The following KCTD2 variants were observed in gnomAD, a reference collection of about 807,000 sequenced individuals.
The protein encoded by KCTD2 is BTB/POZ domain-containing protein KCTD2.
Under a neutral mutation model 27.9 loss-of-function variants are expected in KCTD2, and 18 were observed. The observed-to-expected ratio is 0.64, with a 90% CI of 0.45 to 0.96. KCTD2 has a LOEUF of 0.96. KCTD2 is among the 40% of genes least tolerant of loss of function. The probability of loss-of-function intolerance (pLI) is 0.00; values close to 1 mark genes in which losing one functional copy is unlikely to be tolerated. For missense variants in KCTD2, 280 were observed against 348.0 expected (o/e 0.80, Z 1.56); for synonymous variants, 175 against 148.4 (o/e 1.18, Z -1.30).
chr17:75,035,418 T>A (rs1464427501), intron 3 of KCTD2: 1 of 152,032 alleles, frequency 6.6e-6, no homozygotes, highest in Non-Finnish European at 1.5e-5. Context: ...GAGTTCAACA[T>A]CCAAACATTC....
intron 3 of KCTD2, among the ~76,000 whole-genome samples, chr17:75,054,529 G>T (rs1410575491): frequency 6.6e-6 from 1 of 152,094 alleles, no homozygotes; most frequent in Admixed American, 6.6e-5. Context: ...AAGTCGGCCG[G>T]GCGCGGTGGC....
chr17:75,035,131 A>AT (rs2040102639), intron 2 of KCTD2: 1 of 152,086 alleles, frequency 6.6e-6, no homozygotes, highest in African/African-American at 2.4e-5. Flanking sequence ...GGCCTAATGG[A>AT]TAAGGCGTCT....
chr17:75,053,445 C>T (rs2073312702), intron 3 of KCTD2, among the ~76,000 whole-genome samples: 1 of 146,506 alleles, frequency 6.8e-6, no homozygotes, highest in Non-Finnish European at 1.5e-5. Context: ...GTTGGCCGCT[C>T]TTTTTTTTTT....
intron 3 of KCTD2, chr17:75,035,382 GTC>G (rs1042042120): frequency 3.9e-5 from 6 of 152,098 alleles, no homozygotes; most frequent in South Asian, 2.1e-4. Flanking sequence ...ATTTCTTGTT[GTC>G]TCTCTTGAGC....
chr17:75,046,749 G>A (rs527261874), upstream of KCTD2, among the ~76,000 whole-genome samples: 16 of 152,088 alleles, frequency 1.1e-4, no homozygotes, highest in African/African-American at 3.6e-4. Flanking sequence ...AAGGAGGGCT[G>A]AGGAAGGGAT....
intron 3 of KCTD2, among the ~76,000 whole-genome samples, chr17:75,055,489 G>A (rs918988125): frequency 6.6e-6 from 1 of 151,750 alleles, no homozygotes; most frequent in African/African-American, 2.4e-5. Context: ...GCTGAGGAGG[G>A]CAGATCACTT....
chr17:75,059,494 C>T lies in KCTD2; in HGVS notation c.541-16C>T, dbSNP rs761682347. The T allele has an allele frequency of 6.1e-5, 97 of 1,601,436 alleles. No individual in the cohort carries two copies. The highest frequency in any genetic ancestry group is 7.9e-5 in the Non-Finnish European group (93 of 1,170,888). ...TGTCCTTGGTGCTGTTCTCAGTCTGCGCCTGGTCATTGCAGGGCCCCGTGA... is the reference window on the plus strand; with the variant it reads ...TGTCCTTGGTGCTGTTCTCAGTCTGTGCCTGGTCATTGCAGGGCCCCGTGA... On this transcript the variant is annotated splice_polypyrimidine_tract_variant and intron_variant, in intron 3 of 5. Coordinates refer to ENST00000322444, the MANE Select transcript of KCTD2 (RefSeq NM_015353.3).
intron 2 of KCTD2, among the ~76,000 whole-genome samples, chr17:75,034,420 G>A (rs1455596688): frequency 6.6e-6 from 1 of 152,162 alleles, no homozygotes; most frequent in Non-Finnish European, 1.5e-5. Context: ...TGCGAGCACA[G>A]CCCCTCTCGA....
At chr17:75,033,965 T>C (rs2040088993) in intron 1 of KCTD2, 1 of 152,186 alleles carries the variant, frequency 6.6e-6, no homozygotes, top group Non-Finnish European at 1.5e-5. Flanking sequence ...TGGGTTCGAG[T>C]CCCACCTGGG....
At chr17:75,052,713 A>G (rs1324825056) in intron 2 of KCTD2, among the ~76,000 whole-genome samples, 6 of 152,196 alleles carry the variant, frequency 3.9e-5, no homozygotes, top group African/African-American at 1.2e-4. Flanking sequence ...ACAAGAATGA[A>G]ACTCTGTTTC....
rs945681023 is a variant in KCTD2 at position 75,065,371 on chromosome 17, C to G, written c.*2324C>G. 1 of 152,266 alleles carries G rather than the reference C, an allele frequency of 6.6e-6. No homozygotes were observed. The highest frequency in any genetic ancestry group is 2.4e-5 in the African/African-American group (1 of 41,460). The allele number at this position is 152,266 out of a possible 1,614,324, so 9.4% of individuals were successfully genotyped here. ...TTCTTGCTTGAAAGCGTTGTGCCCT[C>G]TGAGTGTCTGGCTGATCACATCAGA... On this transcript the variant is annotated 3_prime_UTR_variant, in exon 6 of 6. Coordinates refer to ENST00000322444, the MANE Select transcript of KCTD2 (RefSeq NM_015353.3).
At chr17:75,033,360 C>T (rs2040081542) in intron 1 of KCTD2, among the ~76,000 whole-genome samples, 1 of 151,758 alleles carries the variant, frequency 6.6e-6, no homozygotes, top group Non-Finnish European at 1.5e-5. Context: ...GAAATATCTA[C>T]TTGGCTGATT....
chr17:75,048,980 A>G lies in KCTD2; in HGVS notation c.340-240A>G, dbSNP rs920489411. The G allele has an allele frequency of 2.2e-5, 8 of 357,632 alleles. No homozygotes were observed. In the Admixed American group the frequency reaches 3.0e-4, roughly 14 times the overall value. 22.2% of individuals were successfully genotyped at this position (357,632 alleles called of 1,614,324 possible). A position where few individuals can be genotyped will look rare whatever the true frequency, so the allele number is the denominator to read the frequency against. On this transcript the variant is annotated intron_variant, in intron 1 of 5. Coordinates refer to ENST00000322444, the MANE Select transcript of KCTD2 (RefSeq NM_015353.3). ...CCAGTAAGTAAACGCCTAAATGAGT[A>G]TGACTGTCTGTAACACCCTACCTAA...
intron 2 of KCTD2, among the ~76,000 whole-genome samples, chr17:75,050,948 G>A (rs779836729): frequency 1.3e-5 from 2 of 150,822 alleles, no homozygotes; most frequent in African/African-American, 4.9e-5. Flanking sequence ...GAGTAGCTGC[G>A]ATTATAGGCA....
At chr17:75,052,848 C>G (rs568467517) in intron 2 of KCTD2, among the ~76,000 whole-genome samples, 166 bp from the exon 3 acceptor site, 1 of 152,040 alleles carries the variant, frequency 6.6e-6, no homozygotes, top group East Asian at 1.9e-4. Context: ...GAGCCAAGAT[C>G]GCACCACTGA....
At position 75,047,391 on chromosome 17, in the gene KCTD2, G is replaced by A. The variant is rs2073235175; in HGVS notation, c.141G>A (p.Pro47=). 1.7e-5 allele frequency: 19 copies of A among 1,149,426 alleles called. No individual in the cohort carries two copies. The highest frequency in any genetic ancestry group is 2.0e-5 in the Non-Finnish European group (19 of 936,044). 71.2% of individuals were successfully genotyped at this position (1,149,426 alleles called of 1,614,324 possible). The change falls in exon 1 of 6, where the codon CCG becomes CCA. Residue 47 remains proline, a synonymous_variant. Transcript: ENST00000322444. ...AGPTPRGHGR[P]AAAVAQPLEP... is the part of the protein sequence containing the mutation. ...CCACGCCCCGCGGGCACGGCCGCCCGGCTGCCGCCGTCGCGCAGCCGCTGG... is the reference window on the plus strand; with the variant it reads ...CCACGCCCCGCGGGCACGGCCGCCCAGCTGCCGCCGTCGCGCAGCCGCTGG...
chr17:75,032,900 A>T lies in KCTD2; in HGVS notation c.-470+176A>T, dbSNP rs1295518335. The T allele has an allele frequency of 1.3e-5, 2 of 152,272 alleles. No homozygotes were observed. Among genetic ancestry groups the T allele is most frequent in the Non-Finnish European group, 2.9e-5 (2 of 68,064 alleles). 9.4% of individuals were successfully genotyped at this position (152,272 alleles called of 1,614,324 possible). The stretch of plus-strand genomic sequence containing the variant: ...TCCTCAAGGCAGTAAACTGGAGCCA[A>T]GTGGGTTAAATCCTTCTTGCTGCTA... On this transcript the variant is annotated intron_variant, in intron 1 of 7. Transcript: ENST00000581589. This position sits in a 1 kb window ranked among gnomAD's most constrained non-coding sequence, Gnocchi z 4.8.
intron 5 of KCTD2, 72 bp downstream of exon 5, chr17:75,062,317 A>G: frequency 6.9e-7 from 1 of 1,456,878 alleles, no homozygotes; most frequent in Non-Finnish European, 9.3e-7. Context: ...CTTTTCCTGA[A>G]CTCTTGCTCC....
At position 75,047,687 on chromosome 17, in the gene KCTD2, C is replaced by T. The variant is rs965692075; in HGVS notation, c.339+98C>T. ...CTGAGACACGCTCCTCACAGGCAGC[C>T]CCCTCAGGCCGGGACCCCATCCTCC... On this transcript the variant is annotated intron_variant, in intron 1 of 5. Coordinates refer to ENST00000322444, the MANE Select transcript of KCTD2 (RefSeq NM_015353.3). 7 of 1,284,638 alleles carry T rather than the reference C, an allele frequency of 5.4e-6. No individual in the cohort carries two copies. In the East Asian group the frequency reaches 1.5e-4, roughly 28 times the overall value. 79.6% of individuals were successfully genotyped at this position (1,284,638 alleles called of 1,614,324 possible). A position where few individuals can be genotyped will look rare whatever the true frequency, so the allele number is the denominator to read the frequency against.
Sources: allele counts gnomAD v4.1 joint callset (sites outside exome capture counted in the v4.1 genomes callset), GRCh38; gene constraint gnomAD v4.1.1; non-coding constraint Gnocchi (gnomAD v3.1); transcripts MANE v1.5; gene names NCBI Gene and HGNC (gene_info 2026-07-23, HGNC 2026-07-21).